The following NDUFAF2 variants were observed in gnomAD, a reference collection of about 807,000 sequenced individuals.
NDUFAF2 encodes the protein NADH:ubiquinone oxidoreductase complex assembly factor 2.
NDUFAF2 carries 13 observed loss-of-function variants against 22.8 expected under a neutral mutation model. The ratio of observed to expected loss-of-function variants is 0.57; its 90% CI spans 0.37 to 0.91. The LOEUF (loss-of-function observed/expected upper bound fraction) is 0.91, where lower values mean the gene tolerates loss of function less well. NDUFAF2 is among the 40% of genes least tolerant of loss of function. The probability of loss-of-function intolerance (pLI) is 0.01; values close to 1 mark genes in which losing one functional copy is unlikely to be tolerated. For missense variants in NDUFAF2, 162 were observed against 195.2 expected (o/e 0.83, Z 1.01); for synonymous variants, 53 against 64.2 (o/e 0.83, Z 0.84).
intron 1 of NDUFAF2, among the ~76,000 whole-genome samples, chr5:60,988,181 T>G (rs1376638481): frequency 6.6e-6 from 1 of 152,130 alleles, no homozygotes; most frequent in African/African-American, 2.4e-5. Context: ...CATTCACAAT[T>G]GCCAGAAAAA....
chr5:61,004,658 A>G (rs1751341637), intron 1 of NDUFAF2, among the ~76,000 whole-genome samples: 1 of 152,132 alleles, frequency 6.6e-6, no homozygotes, highest in Non-Finnish European at 1.5e-5. Context: ...AATTCTCCAG[A>G]CTAGCATGGT....
chr5:61,120,076 G>A lies in NDUFAF2; in HGVS notation c.258+21044G>A, dbSNP rs186037402. ...AAAACTTACTCTTTTGTATTCTGCT[G>A]TTTTTACTTAACTACCGTAATAAAT... On this transcript the variant is annotated intron_variant, in intron 3 of 3. Transcript: ENST00000296597. Among the ~76,000 whole-genome samples, 390 of 152,082 alleles carry A rather than the reference G, an allele frequency of 2.6e-3. 1 individual carries two copies. The highest frequency in any genetic ancestry group is 9.0e-3 in the African/African-American group (372 of 41,512).
intron 1 of NDUFAF2, among the ~76,000 whole-genome samples, chr5:60,981,927 C>T (rs1750983860): frequency 1.3e-5 from 2 of 152,092 alleles, no homozygotes; most frequent in Non-Finnish European, 2.9e-5. Flanking sequence ...CTGGACCCGT[C>T]TCTCACCATA....
intron 1 of NDUFAF2, among the ~76,000 whole-genome samples, chr5:60,986,322 TC>T (rs1256931931): frequency 6.6e-6 from 1 of 152,148 alleles, no homozygotes; most frequent in Non-Finnish European, 1.5e-5. Context: ...AGAAAATCAG[TC>T]AAAACTATAC....
chr5:61,149,206 AGTG>A (rs1180440829), intron 3 of NDUFAF2, among the ~76,000 whole-genome samples: 1 of 152,156 alleles, frequency 6.6e-6, no homozygotes, highest in African/African-American at 2.4e-5. Context: ...CCTGACCTCA[AGTG>A]ATCTGCCCGC....
At chr5:61,124,011 T>C (rs1753006174) in intron 3 of NDUFAF2, among the ~76,000 whole-genome samples, 1 of 152,116 alleles carries the variant, frequency 6.6e-6, no homozygotes, top group Non-Finnish European at 1.5e-5. Context: ...GGTGAGTTGA[T>C]TTTTATTTTG....
intron 1 of NDUFAF2, among the ~76,000 whole-genome samples, chr5:61,038,412 T>C (rs893629329): frequency 6.6e-6 from 1 of 152,186 alleles, no homozygotes; most frequent in Non-Finnish European, 1.5e-5. Context: ...ACAAGGTTTA[T>C]GGACCAGACC....
At chr5:61,100,656 T>A (rs1221689523) in intron 3 of NDUFAF2, among the ~76,000 whole-genome samples, 1 of 152,124 alleles carries the variant, frequency 6.6e-6, no homozygotes, top group African/African-American at 2.4e-5. Context: ...TCCTGGAAAC[T>A]TTCTCTACCA....
intron 2 of NDUFAF2, among the ~76,000 whole-genome samples, chr5:61,095,811 T>TGTC: frequency 6.6e-6 from 1 of 152,168 alleles, no homozygotes; most frequent in Admixed American, 6.5e-5. Context: ...CCTGGCTCCA[T>TGTC]GTCGCTCCAG....
intron 2 of NDUFAF2, among the ~76,000 whole-genome samples, chr5:61,084,113 C>A (rs754536580): frequency 8.6e-5 from 13 of 151,574 alleles, no homozygotes; most frequent in Non-Finnish European, 1.8e-4. Flanking sequence ...TTTTTAGATG[C>A]CTGCTGTCAG....
intron 1 of NDUFAF2, among the ~76,000 whole-genome samples, chr5:60,988,905 A>G (rs923628224): frequency 2.6e-5 from 4 of 152,230 alleles, no homozygotes; most frequent in African/African-American, 7.2e-5. Flanking sequence ...AGCAATTTCA[A>G]CCAAAGCAAA....
chr5:60,984,381 C>A (rs1435430018), intron 1 of NDUFAF2, among the ~76,000 whole-genome samples: 2 of 151,994 alleles, frequency 1.3e-5, no homozygotes, highest in Non-Finnish European at 2.9e-5. Flanking sequence ...TAATTGAATG[C>A]CCTTTATTTC....
chr5:61,015,021 G>A (rs909400383), intron 1 of NDUFAF2, among the ~76,000 whole-genome samples: 2 of 151,988 alleles, frequency 1.3e-5, no homozygotes, highest in Non-Finnish European at 2.9e-5. Context: ...CAGAATTTTT[G>A]TTTCTCCTTT....
chr5:61,108,271 G>A lies in NDUFAF2; in HGVS notation c.258+9239G>A, dbSNP rs968263800. On this transcript the variant is annotated intron_variant, in intron 3 of 3. Coordinates refer to ENST00000296597, the MANE Select transcript of NDUFAF2 (RefSeq NM_174889.5). Reference sequence around the variant, plus strand: ...TCTAGTTCTAGATCCCTGAGGAATCGCCACACTGACTTCCACAATGGTTGA... The same window carrying A: ...TCTAGTTCTAGATCCCTGAGGAATCACCACACTGACTTCCACAATGGTTGA... 9.6e-4 allele frequency among the ~76,000 whole-genome samples: 142 copies of A among 147,184 alleles called. 1 individual carries two copies. The highest frequency in any genetic ancestry group is 1.6e-3 in the Non-Finnish European group (108 of 67,260).
intron 3 of NDUFAF2, among the ~76,000 whole-genome samples, chr5:61,142,906 A>G (rs1461805399): frequency 6.6e-6 from 1 of 152,156 alleles, no homozygotes; most frequent in African/African-American, 2.4e-5. Flanking sequence ...TCTTTCGTAG[A>G]TGAAAAAGGG....
Position 61,073,230 on chromosome 5 carries a change from T to C in NDUFAF2, c.217+16T>C. The C allele has an allele frequency of 6.5e-7, 1 of 1,542,176 alleles. No homozygotes were observed. The highest frequency in any genetic ancestry group is 9.0e-7 in the Non-Finnish European group (1 of 1,114,642). On this transcript the variant is annotated intron_variant, in intron 2 of 3. Transcript: ENST00000296597. ...GAATGGGAAGGTAAGTTTCTGCTTT[T>C]AGTAGAATCTCATGGGAGGTAAGTT...
intron 1 of NDUFAF2, among the ~76,000 whole-genome samples, chr5:60,981,637 CAT>C (rs1248221829): frequency 6.6e-6 from 1 of 152,014 alleles, no homozygotes; most frequent in East Asian, 1.9e-4. Context: ...TTTTTTAAGA[CAT>C]AGTACAATAA....
intron 2 of NDUFAF2, among the ~76,000 whole-genome samples, chr5:61,074,223 G>A (rs1475402524): frequency 6.6e-6 from 1 of 152,090 alleles, no homozygotes; most frequent in East Asian, 1.9e-4. Context: ...AGGTCGAAGT[G>A]GGCGGATCAT....
chr5:61,032,207 C>T (rs1174214201), intron 1 of NDUFAF2, among the ~76,000 whole-genome samples: 2 of 152,142 alleles, frequency 1.3e-5, no homozygotes, highest in Non-Finnish European at 2.9e-5. Context: ...GTTTCCTTTG[C>T]TGTGCAGAAG....
Sources: allele counts gnomAD v4.1 joint callset (sites outside exome capture counted in the v4.1 genomes callset), GRCh38; gene constraint gnomAD v4.1.1; transcripts MANE v1.5; gene names NCBI Gene and HGNC (gene_info 2026-07-23, HGNC 2026-07-21).